The following LRP1B variants were observed in gnomAD, a reference collection of about 807,000 sequenced individuals.
LRP1B encodes low-density lipoprotein receptor-related protein 1B.
In LRP1B, 217 loss-of-function variants were observed where a neutral mutation model predicts 556.6. The ratio of observed to expected loss-of-function variants is 0.39; its 90% CI spans 0.35 to 0.44. The LOEUF (loss-of-function observed/expected upper bound fraction) is 0.44. Among genes scored for constraint, LRP1B ranks in the 20% least tolerant of loss-of-function variants. LRP1B has a pLI of 1.00. For missense variants in LRP1B, 5,053 were observed against 5,620.8 expected (o/e 0.90, Z 3.23); for synonymous variants, 2,047 against 1,865.8 (o/e 1.10, Z -2.50).
chr2:141,828,982 C>G (rs1697024044), intron 1 of LRP1B, among the ~76,000 whole-genome samples: 1 of 151,998 alleles, frequency 6.6e-6, no homozygotes, highest in Non-Finnish European at 1.5e-5. Flanking sequence ...AGTTGCCTAA[C>G]TGGGAACTGG....
At chr2:140,274,701 G>C (rs1477190912) in intron 84 of LRP1B, 103 bp from the exon 85 acceptor site, 1 of 890,818 alleles carries the variant, frequency 1.1e-6, no homozygotes, top group Non-Finnish European at 1.7e-6. Flanking sequence ...AAAATAATAG[G>C]TAGATTAATT....
chr2:141,511,220 T>C (rs1252267860), intron 2 of LRP1B, among the ~76,000 whole-genome samples: 1 of 152,176 alleles, frequency 6.6e-6, no homozygotes, highest in African/African-American at 2.4e-5. Context: ...TTATAATTTA[T>C]ATGTCTCTAA....
intron 82 of LRP1B, among the ~76,000 whole-genome samples, chr2:140,320,840 C>T (rs1173653910): frequency 2.6e-5 from 4 of 151,954 alleles, no homozygotes; most frequent in South Asian, 2.1e-4. Flanking sequence ...GTCAGGAGTT[C>T]GAGATCAGGC....
At chr2:141,475,172 T>A (rs6429891) in intron 3 of LRP1B, among the ~76,000 whole-genome samples, 77,657 of 151,722 alleles carry the variant, frequency 0.51, 20,084 homozygotes, top group Non-Finnish European at 0.55. Context: ...CAGGAGTTTG[T>A]GACCAGCTTG....
chr2:142,012,953 A>G (rs1703002122), intron 1 of LRP1B, among the ~76,000 whole-genome samples: 1 of 152,160 alleles, frequency 6.6e-6, no homozygotes, highest in Non-Finnish European at 1.5e-5. Flanking sequence ...TATGACATTT[A>G]TATTGTGATT....
chr2:141,459,590 C>T (rs1054232837), intron 3 of LRP1B, among the ~76,000 whole-genome samples: 3 of 151,948 alleles, frequency 2.0e-5, no homozygotes, highest in African/African-American at 7.2e-5. Flanking sequence ...GGGAGGAACT[C>T]GGTGGGAAAT....
At chr2:140,574,169 A>G (rs1681432317) in intron 43 of LRP1B, among the ~76,000 whole-genome samples, 1 of 152,128 alleles carries the variant, frequency 6.6e-6, no homozygotes, top group South Asian at 2.1e-4. Context: ...CAAGTATTCC[A>G]TGAAATGTTG....
chr2:141,844,832 T>G lies in LRP1B; in HGVS notation c.83-34431A>C, dbSNP rs1697590323. Among the ~76,000 whole-genome samples the G allele has an allele frequency of 2.6e-5, 4 of 151,882 alleles. No individual in the cohort carries two copies. In the South Asian group the frequency reaches 8.3e-4, roughly 31 times the overall value. ...ATTCAATTATTTTCTTATTAGACAA[T>G]TTCAATCATATTCCCAAAACAGCAT... On this transcript the variant is annotated intron_variant, in intron 1 of 90. Coordinates refer to ENST00000389484, the MANE Select transcript of LRP1B (RefSeq NM_018557.3).
At chr2:140,650,680 T>C (rs1377366104) in intron 41 of LRP1B, among the ~76,000 whole-genome samples, 1 of 152,108 alleles carries the variant, frequency 6.6e-6, no homozygotes, top group East Asian at 1.9e-4. Context: ...ATTGGCCTGC[T>C]GAGGAACTTT....
At chr2:140,845,384 G>A (rs534566941) in intron 29 of LRP1B, among the ~76,000 whole-genome samples, 42 of 152,184 alleles carry the variant, frequency 2.8e-4, no homozygotes, top group African/African-American at 9.6e-4. Context: ...CTGATTCCTG[G>A]TTTATAGTGT....
At chr2:140,942,530 C>G (rs1205511764) in intron 20 of LRP1B, among the ~76,000 whole-genome samples, 1 of 152,084 alleles carries the variant, frequency 6.6e-6, no homozygotes, top group Non-Finnish European at 1.5e-5. Flanking sequence ...ATTTTAAAGG[C>G]AGCTAGAGAC....
intron 7 of LRP1B, among the ~76,000 whole-genome samples, chr2:141,066,510 C>T (rs575423626): frequency 6.6e-6 from 1 of 152,004 alleles, no homozygotes; most frequent in South Asian, 2.1e-4. Flanking sequence ...TACATACTGA[C>T]ATCTTAAAGC....
rs757166572 is a variant in LRP1B, at chr2:141,058,976, T to C, written c.1315A>G (p.Ile439Val). 6.3e-7 allele frequency: 1 copy of C among 1,597,940 alleles called. No individual in the cohort carries two copies. The highest frequency in any genetic ancestry group is 8.5e-7 in the Non-Finnish European group (1 of 1,171,128). The change falls in exon 9 of 91, where the codon ATA (isoleucine) becomes GTA (valine). Residue 439 changes from isoleucine (I) to valine (V), a missense_variant. By Grantham distance (29) the Ile-to-Val change is conservative. Coordinates refer to ENST00000389484, the MANE Select transcript of LRP1B (RefSeq NM_018557.3). ...TNSDNYNIVR[I>V]NRFNGTDIHS... ...ATATCAGTCCCATTAAATCGGTTTA[T>C]CCTTACGATATTGTAGTTATCAGAA...
intron 7 of LRP1B, among the ~76,000 whole-genome samples, chr2:141,076,566 G>T (rs897787403): frequency 1.3e-5 from 2 of 152,116 alleles, no homozygotes; most frequent in Non-Finnish European, 2.9e-5. Flanking sequence ...ATTTGATCCA[G>T]CAATTCTTGT....
At chr2:141,283,227 T>A (rs1685572876) in intron 3 of LRP1B, among the ~76,000 whole-genome samples, 1 of 152,098 alleles carries the variant, frequency 6.6e-6, no homozygotes, top group Non-Finnish European at 1.5e-5. Context: ...ATGAGGGGTG[T>A]TTTGGAAGAT....
At chr2:140,977,388 G>A (rs900063036) in intron 18 of LRP1B, among the ~76,000 whole-genome samples, 2 of 152,092 alleles carry the variant, frequency 1.3e-5, no homozygotes, top group Non-Finnish European at 2.9e-5. Context: ...AAATTGTCCA[G>A]TCTACGGTAT....
At chr2:141,096,714 G>A (rs1223077922) in intron 7 of LRP1B, among the ~76,000 whole-genome samples, 5 of 118,338 alleles carry the variant, frequency 4.2e-5, no homozygotes, top group Admixed American at 9.6e-5. Flanking sequence ...ACATCTTCAG[G>A]AACAAGATTA....
At chr2:140,347,225 G>A in intron 77 of LRP1B, among the ~76,000 whole-genome samples, 1 of 151,734 alleles carries the variant, frequency 6.6e-6, no homozygotes, top group South Asian at 2.1e-4. Flanking sequence ...TTAACATTCA[G>A]AAGTCTCATT....
At chr2:140,868,660 T>C (rs1157705131) in intron 25 of LRP1B, among the ~76,000 whole-genome samples, 2 of 152,228 alleles carry the variant, frequency 1.3e-5, no homozygotes, top group Admixed American at 6.5e-5. Flanking sequence ...GAATGTGGGC[T>C]ATTTGAGGAA....
Sources: allele counts gnomAD v4.1 joint callset (sites outside exome capture counted in the v4.1 genomes callset), GRCh38; gene constraint gnomAD v4.1.1; transcripts MANE v1.5; gene names NCBI Gene and HGNC (gene_info 2026-07-23, HGNC 2026-07-21).